Variants in CCDC18 observed in about 807,000 individuals in gnomAD.
CCDC18 encodes coiled-coil domain containing 18, also known as coiled-coil domain-containing protein 18.
CCDC18 carries 157 observed loss-of-function variants against 196.0 expected under a neutral mutation model. The observed-to-expected ratio is 0.80, with a 90% confidence interval of 0.70 to 0.91. CCDC18 has a LOEUF of 0.91. Ranked by LOEUF, CCDC18 falls within the 40% of genes least tolerant of loss-of-function variation. CCDC18 has a pLI of 0.00. For missense variants in CCDC18, 1,465 were observed against 1,611.6 expected, an observed-to-expected ratio of 0.91 and a Z score of 1.56; for synonymous variants, 482 against 529.2, an observed-to-expected ratio of 0.91 and a Z score of 1.22.
chr1:93,207,168 T>C lies in CCDC18; in HGVS notation c.979T>C (p.Ser327Pro), dbSNP rs767358631. The change falls in exon 9 of 29, where the codon TCA becomes CCA. Residue 327 changes from serine to proline, a missense_variant. Ser to Pro is a moderately conservative substitution (Grantham distance 74). Coordinates refer to ENST00000690025, the MANE Select transcript of CCDC18 (RefSeq NM_001378204.1). ...ATTAAGGATCATGGCAGTGAAAAATTCAGAAGTCATGGCACAACTAACTGA... is the reference window on the plus strand; with the variant it reads ...ATTAAGGATCATGGCAGTGAAAAATCCAGAAGTCATGGCACAACTAACTGA... The part of the protein sequence containing the change: ...EKLRIMAVKN[S>P]EVMAQLTESR... 6.2e-7 allele frequency: 1 copy of C among 1,606,024 alleles called. No homozygotes were observed.
chr1:93,267,144 G>A (rs1428809704), intron 27 of CCDC18, among the ~76,000 whole-genome samples: 3 of 152,046 alleles, frequency 2.0e-5, no homozygotes, highest in South Asian at 2.1e-4. Flanking sequence ...TTCAACATAC[G>A]CAAATCAATA....
chr1:93,262,591 A>G (rs991196348), intron 26 of CCDC18, among the ~76,000 whole-genome samples: 1 of 152,154 alleles, frequency 6.6e-6, no homozygotes, highest in Non-Finnish European at 1.5e-5. Flanking sequence ...GGACTCCCAA[A>G]GTTCTGGGCA....
Position 93,239,818 on chromosome 1 carries a change from T to G in CCDC18, c.2903T>G (p.Leu968Trp), listed in dbSNP as rs761092549. ...AGTACTTTAAGACAACTCCAGGAAT[T>G]GAGAGATGTACTACAGAAGGCTCAA... The part of the protein sequence containing the change: ...LKSTLRQLQE[L>W]RDVLQKAQLS... The change falls in exon 21 of 29, where the codon TTG becomes TGG. Residue 968 changes from leucine to tryptophan, a missense_variant. Leu to Trp is a moderately conservative substitution (Grantham distance 61). Coordinates refer to ENST00000690025, the MANE Select transcript of CCDC18 (RefSeq NM_001378204.1). The G allele has an allele frequency of 1.1e-5, 17 of 1,613,348 alleles. No homozygotes were observed. Among genetic ancestry groups the G allele is most frequent in the Non-Finnish European group, 1.4e-5 (17 of 1,179,448 alleles).
chr1:93,250,414 A>G (rs1431621790), intron 23 of CCDC18, among the ~76,000 whole-genome samples: 1 of 151,954 alleles, frequency 6.6e-6, no homozygotes, highest in Non-Finnish European at 1.5e-5. Flanking sequence ...AGAGAAAAAA[A>G]AGAATATGTA....
chr1:93,184,105 T>A lies in CCDC18; in HGVS notation c.262T>A (p.Ser88Thr). The A allele has an allele frequency of 1.3e-6, 2 of 1,564,538 alleles. No individual in the cohort carries two copies. Among genetic ancestry groups the A allele is most frequent in the Admixed American group, 3.5e-5 (2 of 57,738 alleles). Residue 88 changes from serine to threonine, a missense_variant, in exon 3 of 29, where the codon TCT becomes ACT. Ser to Thr is a moderately conservative substitution (Grantham distance 58). Transcript: ENST00000690025. ...ACCTTATGAAAACGTCTGTAAAATATCTGGTAGCAGCACTGATTTTCAAAA... is the reference window on the plus strand; with the variant it reads ...ACCTTATGAAAACGTCTGTAAAATAACTGGTAGCAGCACTGATTTTCAAAA... ...YSPYENVCKI[S>T]GSSTDFQKKP... is the part of the protein sequence containing the mutation.
At chr1:93,192,833 T>C (rs188800063) in intron 5 of CCDC18, among the ~76,000 whole-genome samples, 111 of 152,312 alleles carry the variant, frequency 7.3e-4, no homozygotes, top group Non-Finnish European at 1.5e-3. Flanking sequence ...TCCGAAAGTA[T>C]AGTTAAAGGA....
intron 23 of CCDC18, among the ~76,000 whole-genome samples, chr1:93,253,326 T>G (rs1662517160): frequency 6.6e-6 from 1 of 151,766 alleles, no homozygotes. Context: ...CAGTGGGAGG[T>G]GCTGGAGCTG....
chr1:93,272,326 A>G (rs1454609898), intron 28 of CCDC18, among the ~76,000 whole-genome samples: 1 of 152,194 alleles, frequency 6.6e-6, no homozygotes, highest in Non-Finnish European at 1.5e-5. Context: ...ATATTTATGA[A>G]TGTATCAAGT....
intron 19 of CCDC18, among the ~76,000 whole-genome samples, chr1:93,238,513 C>T (rs1023730675): frequency 6.8e-6 from 1 of 147,454 alleles, no homozygotes; most frequent in Non-Finnish European, 1.5e-5. Context: ...AAGAAATGCT[C>T]CTACTTGCAA....
At chr1:93,209,980 G>T (rs920025020) in intron 9 of CCDC18, among the ~76,000 whole-genome samples, 1 of 152,252 alleles carries the variant, frequency 6.6e-6, no homozygotes, top group Non-Finnish European at 1.5e-5. Context: ...AGGATTGCTT[G>T]AGTCCAAGAG....
Position 93,183,498 on chromosome 1 carries a change from A to C in CCDC18, c.134+3A>C. 1 of 1,578,646 alleles carries C rather than the reference A, an allele frequency of 6.3e-7. No homozygotes were observed. Among genetic ancestry groups the C allele is most frequent in the Non-Finnish European group, 8.6e-7 (1 of 1,163,482 alleles). On this transcript the variant is annotated splice_donor_region_variant and intron_variant, in intron 2 of 28. Transcript: ENST00000690025. ...AGTTTAGGGGAAGAGTTATCCAGGTAAGTAAGTAAAATCACATATAGAATT... is the reference window on the plus strand; with the variant it reads ...AGTTTAGGGGAAGAGTTATCCAGGTCAGTAAGTAAAATCACATATAGAATT...
At chr1:93,202,139 A>G in intron 7 of CCDC18, 151 bp downstream of exon 7, 1 of 541,080 alleles carries the variant, frequency 1.8e-6, no homozygotes, top group Non-Finnish European at 3.3e-6. Flanking sequence ...TGTAAATGTT[A>G]GTTAAGGATG....
In CCDC18 at chr1:93,207,352, C is replaced by A. The variant is rs1571423756; in HGVS notation, c.1163C>A (p.Ser388Ter). ...TTATGTCAACAAGAAATTGAAAGTTCAAGGGTAGAACTAAGAAGTTTGGAA... is the reference window on the plus strand; with the variant it reads ...TTATGTCAACAAGAAATTGAAAGTTAAAGGGTAGAACTAAGAAGTTTGGAA... ...LDLCQQEIES[S>*]RVELRSLEKI... The change falls in exon 9 of 29, where the codon TCA (serine) becomes TAA (stop). Residue 388 changes from serine to a stop codon, truncating the protein, a stop_gained. Coordinates refer to ENST00000690025, the MANE Select transcript of CCDC18 (RefSeq NM_001378204.1). LOFTEE classifies it high-confidence loss of function. 6.2e-7 allele frequency: 1 copy of A among 1,611,640 alleles called. No homozygotes were observed. The highest frequency in any genetic ancestry group is 1.1e-5 in the South Asian group (1 of 90,684).
chr1:93,230,823 C>T (rs1332496641), intron 17 of CCDC18, among the ~76,000 whole-genome samples: 2 of 152,106 alleles, frequency 1.3e-5, no homozygotes, highest in Non-Finnish European at 2.9e-5. Flanking sequence ...ACCTGTCTTG[C>T]AGGCAAGTCA....
intron 14 of CCDC18, among the ~76,000 whole-genome samples, chr1:93,219,922 T>G (rs145208658): frequency 1.3e-5 from 2 of 152,182 alleles, no homozygotes; most frequent in Non-Finnish European, 2.9e-5. Flanking sequence ...GCCTCAGAGA[T>G]ATATGGGGAA....
intron 6 of CCDC18, among the ~76,000 whole-genome samples, chr1:93,200,330 TA>T (rs1347783634): frequency 1.9e-5 from 2 of 103,804 alleles, no homozygotes; most frequent in African/African-American, 6.4e-5. Context: ...TATAGGAGAT[TA>T]TTTAAAAAAA....
At position 93,208,884 on chromosome 1, in the gene CCDC18, T is replaced by G. The variant is rs138950006; in HGVS notation, c.1209+1486T>G. Among the ~76,000 whole-genome samples the G allele has an allele frequency of 2.2e-3, 334 of 151,844 alleles. 4 individuals carry two copies. Among genetic ancestry groups the G allele is most frequent in the African/African-American group, 7.7e-3 (318 of 41,402 alleles). On this transcript the variant is annotated intron_variant, in intron 9 of 28. Coordinates refer to ENST00000690025, the MANE Select transcript of CCDC18 (RefSeq NM_001378204.1). ...TTACACCATGTTGGCCAGGATGGTC[T>G]TGATCTTTTGAATTCGTGATCCCCC... is the stretch of plus-strand genomic sequence containing the variant.
At chr1:93,261,978 G>C (rs1394590431) in intron 26 of CCDC18, among the ~76,000 whole-genome samples, 1 of 152,276 alleles carries the variant, frequency 6.6e-6, no homozygotes, top group East Asian at 1.9e-4. Flanking sequence ...CATGGCAGAA[G>C]GTTAAGGGAA....
Position 93,256,466 on chromosome 1 carries a change from A to G in CCDC18, c.3474A>G (p.Gln1158=). Residue 1158 remains glutamine (Q), a synonymous_variant, in exon 25 of 29, where the codon CAA becomes CAG. Transcript: ENST00000690025. ...HTELAEARHQ[Q]VQAQREIERL... is the part of the protein sequence containing the mutation. ...AATTGGCAGAGGCTCGTCATCAGCA[A>G]GTCCAAGCACAGAGAGAAATAGAAA... The G allele has an allele frequency of 6.2e-7, 1 of 1,614,128 alleles. No individual in the cohort carries two copies. The highest frequency in any genetic ancestry group is 1.1e-5 in the South Asian group (1 of 91,084).
Sources: gnomAD v4.1 joint callset for allele counts (sites outside exome capture counted in the v4.1 genomes callset) on GRCh38, gnomAD v4.1.1 for gene constraint, MANE v1.5 for transcripts, NCBI Gene and HGNC (gene_info 2026-07-23, HGNC 2026-07-21) for gene names.